The following ROBO2 variants were observed in gnomAD, a reference collection of about 807,000 sequenced individuals.
ROBO2 encodes the protein roundabout guidance receptor 2.
Under a neutral mutation model 160.8 loss-of-function variants are expected in ROBO2, and 53 were observed. The observed-to-expected ratio is 0.33, with a 90% confidence interval of 0.26 to 0.41. The LOEUF is 0.41. Among genes scored for constraint, ROBO2 ranks in the 10% least tolerant of loss-of-function variants. ROBO2 has a pLI of 1.00. For synonymous variants in ROBO2, 664 were observed against 611.7 expected (o/e 1.09, Z -1.26); for missense variants, 1,577 against 1,722.4 (o/e 0.92, Z 1.49).
intron 13 of ROBO2, among the ~76,000 whole-genome samples, chr3:77,572,664 C>T (rs2153669300): frequency 6.6e-6 from 1 of 151,814 alleles, no homozygotes; most frequent in Middle Eastern, 3.4e-3. Flanking sequence ...CACACACACA[C>T]ACACTCACTT....
chr3:77,576,646 A>T (rs984650002), intron 14 of ROBO2, among the ~76,000 whole-genome samples: 1 of 152,150 alleles, frequency 6.6e-6, no homozygotes, highest in Non-Finnish European at 1.5e-5. Flanking sequence ...GCCTTTTCTC[A>T]GTATGGTTGT....
At chr3:76,474,103 C>G (rs1402243286) in intron 2 of ROBO2, among the ~76,000 whole-genome samples, 1 of 151,984 alleles carries the variant, frequency 6.6e-6, no homozygotes, top group Admixed American at 6.6e-5. Flanking sequence ...AAAGGATAAA[C>G]AAAGACATAA....
intron 2 of ROBO2, among the ~76,000 whole-genome samples, chr3:76,276,617 A>G (rs150180456): frequency 1.6e-3 from 244 of 152,124 alleles, no homozygotes; most frequent in African/African-American, 5.6e-3. Context: ...TCTATAATCT[A>G]TTTTTTGTAA....
In ROBO2 at chr3:76,442,616, G is replaced by A. The variant is rs114538991; in HGVS notation, c.109+505014G>A. ...CTACTACTGTCAGAAAATATTCAGC[G>A]GAAAATTTCAGAAATAAACAATTCC... On this transcript the variant is annotated intron_variant, in intron 2 of 26. Coordinates refer to the ROBO2 transcript ENST00000487694. Among the ~76,000 whole-genome samples, 443 of 152,106 alleles carry A rather than the reference G, an allele frequency of 2.9e-3. 2 individuals are homozygous for A. The highest frequency in any genetic ancestry group is 9.7e-3 in the African/African-American group (404 of 41,506).
At position 76,563,736 on chromosome 3, in the gene ROBO2, C is replaced by G. The variant is rs180867185; in HGVS notation, c.110-534278C>G. Among the ~76,000 whole-genome samples the G allele has an allele frequency of 9.1e-4, 139 of 152,178 alleles. 1 individual carries two copies. Among genetic ancestry groups the G allele is most frequent in the African/African-American group, 2.9e-3 (122 of 41,524 alleles). ...TAATGTCCCTAAGAGACAGTATTATCAATTTTTCCACATGACATAATATAT... is the reference window on the plus strand; with the variant it reads ...TAATGTCCCTAAGAGACAGTATTATGAATTTTTCCACATGACATAATATAT... On this transcript the variant is annotated intron_variant, in intron 2 of 26. Coordinates refer to the ROBO2 transcript ENST00000487694.
At chr3:77,397,004 C>T (rs1357588097) in intron 2 of ROBO2, among the ~76,000 whole-genome samples, 3 of 152,070 alleles carry the variant, frequency 2.0e-5, no homozygotes, top group Admixed American at 2.0e-4. Flanking sequence ...TTTCAGATTA[C>T]AAATACTTAA....
chr3:76,570,896 G>A (rs1447793), intron 2 of ROBO2, among the ~76,000 whole-genome samples: 12,155 of 152,038 alleles, frequency 0.08, 740 homozygotes, highest in East Asian at 0.23. Flanking sequence ...CCTCTCTCCT[G>A]ACTTAATCAG....
rs192311680 is a variant in ROBO2, at chr3:77,471,534, C to T, written c.389-5880C>T. 2.1e-3 allele frequency among the ~76,000 whole-genome samples: 325 copies of T among 152,326 alleles called. 1 individual carries two copies. The highest frequency in any genetic ancestry group is 5.0e-3 in the Admixed American group (77 of 15,304). ...TCCTTGCCAAATGGGCTTCTCCATT[C>T]TGCAACATGGCACCGTGCATGATCA... is the stretch of plus-strand genomic sequence containing the variant. On this transcript the variant is annotated intron_variant, in intron 2 of 25. Transcript: ENST00000461745.
intron 2 of ROBO2, among the ~76,000 whole-genome samples, chr3:77,102,560 T>C (rs1270197877): frequency 6.6e-6 from 1 of 152,204 alleles, no homozygotes; most frequent in African/African-American, 2.4e-5. Flanking sequence ...ATTAAAAATA[T>C]GGAATTTTTT....
intron 2 of ROBO2, among the ~76,000 whole-genome samples, chr3:77,345,881 C>A (rs1209598444): frequency 2.0e-5 from 3 of 152,038 alleles, no homozygotes; most frequent in African/African-American, 7.2e-5. Context: ...AAATGTTAGC[C>A]ACATTATTTG....
At chr3:76,414,312 A>AACAC (rs565857857) in intron 2 of ROBO2, among the ~76,000 whole-genome samples, 2 of 152,280 alleles carry the variant, frequency 1.3e-5, no homozygotes, top group South Asian at 4.1e-4. Context: ...TTATAAAATT[A>AACAC]ACACTCAACT....
chr3:76,410,309 ACAG>A (rs933442546), intron 2 of ROBO2, among the ~76,000 whole-genome samples: 9 of 152,122 alleles, frequency 5.9e-5, no homozygotes, highest in Non-Finnish European at 1.2e-4. Flanking sequence ...AACACAGCAC[ACAG>A]CAGGACGGAC....
intron 2 of ROBO2, among the ~76,000 whole-genome samples, chr3:76,146,388 A>G (rs998678533): frequency 2.6e-5 from 4 of 151,798 alleles, no homozygotes; most frequent in Admixed American, 6.6e-5. Context: ...AGTCCCCTAT[A>G]TCTCTACTCA....
At chr3:75,988,529 G>A (rs973756631) in intron 2 of ROBO2, among the ~76,000 whole-genome samples, 9 of 151,804 alleles carry the variant, frequency 5.9e-5, no homozygotes, top group Admixed American at 1.3e-4. Context: ...GCTGCCTTTG[G>A]GTTTTCTTTG....
chr3:76,556,461 T>C (rs544458691), intron 2 of ROBO2, among the ~76,000 whole-genome samples: 1 of 152,258 alleles, frequency 6.6e-6, no homozygotes, highest in South Asian at 2.1e-4. Flanking sequence ...AGGCAAAATA[T>C]ATGTAAGTGA....
intron 2 of ROBO2, among the ~76,000 whole-genome samples, chr3:77,451,680 C>T (rs1418509348): frequency 6.6e-6 from 1 of 151,994 alleles, no homozygotes; most frequent in Admixed American, 6.6e-5. Context: ...TTTATCTCTC[C>T]CCTCTCCTGC....
At chr3:76,316,539 A>G (rs1470057034) in intron 2 of ROBO2, among the ~76,000 whole-genome samples, 2 of 152,154 alleles carry the variant, frequency 1.3e-5, no homozygotes, top group Non-Finnish European at 2.9e-5. Flanking sequence ...TTCTTTTTCA[A>G]GGTGCACTGA....
At chr3:76,534,886 G>T (rs187297745) in intron 2 of ROBO2, among the ~76,000 whole-genome samples, 2 of 152,020 alleles carry the variant, frequency 1.3e-5, no homozygotes, top group Non-Finnish European at 2.9e-5. Context: ...GGATTTCCAT[G>T]ATGGGAAGGA....
intron 2 of ROBO2, among the ~76,000 whole-genome samples, chr3:76,230,565 T>G (rs1704561840): frequency 6.6e-6 from 1 of 152,142 alleles, no homozygotes; most frequent in Non-Finnish European, 1.5e-5. Context: ...GAATACTCTT[T>G]CCCTGGCCCT....
Sources: gnomAD v4.1 joint callset for allele counts (sites outside exome capture counted in the v4.1 genomes callset) on GRCh38, gnomAD v4.1.1 for gene constraint, MANE v1.5 for transcripts, NCBI Gene and HGNC (gene_info 2026-07-23, HGNC 2026-07-21) for gene names.